Variants in ITGAD observed in about 807,000 individuals in gnomAD.
The protein encoded by ITGAD is integrin subunit alpha D, also known as integrin alpha-D.
ITGAD carries 105 observed loss-of-function variants against 139.0 expected under a neutral mutation model. The ratio of observed to expected loss-of-function variants is 0.76; its 90% confidence interval spans 0.65 to 0.89. The LOEUF is 0.89. Among genes scored for constraint, ITGAD ranks in the 40% least tolerant of loss-of-function variants. The pLI is 0.00. For synonymous variants in ITGAD, 569 were observed against 598.3 expected, an observed-to-expected ratio of 0.95 and a Z score of 0.71; for missense variants, 1,384 against 1,487.3, an observed-to-expected ratio of 0.93 and a Z score of 1.14.
intron 29 of ITGAD, 73 bp downstream of exon 29, chr16:31,424,650 T>G: frequency 1.0e-6 from 1 of 991,212 alleles, no homozygotes; most frequent in Non-Finnish European, 1.5e-6. Context: ...CAGGCTGGAG[T>G]GCAATGGCAT....
In ITGAD at chr16:31,426,326, T is replaced by C. The variant is rs2082114892; in HGVS notation, c.*198T>C. ...TCTTTTTCAGCAATGACCCACTTTT[T>C]ACAGAAGCAGGCATGGTGCCAGCAT... On this transcript the variant is annotated 3_prime_UTR_variant, in exon 30 of 30. Coordinates refer to ENST00000389202, the MANE Select transcript of ITGAD (RefSeq NM_005353.3). 3.8e-6 allele frequency: 2 copies of C among 525,932 alleles called. No individual in the cohort carries two copies. Among genetic ancestry groups the C allele is most frequent in the Non-Finnish European group, 6.8e-6 (2 of 292,026 alleles). 32.6% of individuals were successfully genotyped at this position (525,932 alleles called of 1,614,324 possible). A position where few individuals can be genotyped will look rare whatever the true frequency, so the allele number is the denominator to read the frequency against.
At chr16:31,413,759 G>A (rs1367580789) in intron 16 of ITGAD, among the ~76,000 whole-genome samples, 1 of 152,120 alleles carries the variant, frequency 6.6e-6, no homozygotes, top group Non-Finnish European at 1.5e-5. Context: ...AAATGCACCA[G>A]CTTTGCTCTC....
At chr16:31,414,636 A>G (rs752916550) in intron 17 of ITGAD, 31 bp downstream of exon 17, 1 of 1,612,792 alleles carries the variant, frequency 6.2e-7, no homozygotes, top group Non-Finnish European at 8.5e-7. Context: ...GAAGGGGGAG[A>G]GAGGAGGAGC....
intron 7 of ITGAD, among the ~76,000 whole-genome samples, chr16:31,407,311 G>T (rs945615457): frequency 6.6e-6 from 1 of 152,152 alleles, no homozygotes; most frequent in South Asian, 2.1e-4. Context: ...TGGAGATCAC[G>T]CCACTGCACT....
intron 4 of ITGAD, 29 bp downstream of exon 4, chr16:31,397,695 G>C (rs1567322513): frequency 6.6e-7 from 1 of 1,506,056 alleles, no homozygotes. Context: ...CCACGGGGGG[G>C]TGGGGTGGGG....
Position 31,403,110 on chromosome 16 carries a change from G to A in ITGAD, c.559-390G>A, listed in dbSNP as rs28609583. On this transcript the variant is annotated intron_variant, in intron 6 of 29. Coordinates refer to ENST00000389202, the MANE Select transcript of ITGAD (RefSeq NM_005353.3). The surrounding 1 kb of genome is among the most constrained non-coding windows in gnomAD (Gnocchi z 4.4). Reference sequence around the variant, plus strand: ...TTCTCTGGGTTTCAGTATATTATTTGTAGGGCTTCAAAACACATGGGAAAT... The same window carrying A: ...TTCTCTGGGTTTCAGTATATTATTTATAGGGCTTCAAAACACATGGGAAAT... 2,777 of 155,512 alleles carry A rather than the reference G, an allele frequency of 0.018. 80 individuals carry two copies. Among genetic ancestry groups the A allele is most frequent in the African/African-American group, 0.063 (2,628 of 41,536 alleles). 9.6% of individuals were successfully genotyped at this position (155,512 alleles called of 1,614,324 possible). A position where few individuals can be genotyped will look rare whatever the true frequency, so the allele number is the denominator to read the frequency against.
Position 31,412,566 on chromosome 16 carries a change from C to A in ITGAD, c.1708-272C>A, listed in dbSNP as rs981299822. 2.6e-5 allele frequency among the ~76,000 whole-genome samples: 4 copies of A among 152,110 alleles called. 1 individual carries two copies. Among genetic ancestry groups the A allele is most frequent in the Non-Finnish European group, 5.9e-5 (4 of 68,022 alleles). On this transcript the variant is annotated intron_variant, in intron 14 of 29. Coordinates refer to ENST00000389202, the MANE Select transcript of ITGAD (RefSeq NM_005353.3). ...CTTGCCCACGGCCTCGTGGCTCATACGTGGAGGAGTCAGAATTGGAACTAG... is the reference window on the plus strand; with the variant it reads ...CTTGCCCACGGCCTCGTGGCTCATAAGTGGAGGAGTCAGAATTGGAACTAG...
Position 31,412,836 on chromosome 16 carries a change from A to G in ITGAD, c.1708-2A>G, listed in dbSNP as rs1222397036. 2 of 1,613,848 alleles carry G rather than the reference A, an allele frequency of 1.2e-6. No homozygotes were observed. Among genetic ancestry groups the G allele is most frequent in the South Asian group, 1.1e-5 (1 of 91,072 alleles). ...TGATTCACCCTTTTCTCTTCTGGCCAGCGGATTGCCAGCTCCCAGCTCTCC... is the reference window on the plus strand; with the variant it reads ...TGATTCACCCTTTTCTCTTCTGGCCGGCGGATTGCCAGCTCCCAGCTCTCC... On this transcript the variant is annotated splice_acceptor_variant, in intron 14 of 29. Coordinates refer to ENST00000389202, the MANE Select transcript of ITGAD (RefSeq NM_005353.3). LOFTEE classifies it high-confidence loss of function.
rs1290654218 is a variant in ITGAD, at chr16:31,411,069, C to T, written c.1357-7C>T. The T allele has an allele frequency of 4.3e-6, 7 of 1,611,978 alleles. No homozygotes were observed. Among genetic ancestry groups the T allele is most frequent in the Non-Finnish European group, 5.9e-6 (7 of 1,179,826 alleles). ...ACAGGCAGCATGACCCAGGCTCTGC[C>T]CTCCAGATCGGCTCCTACTTCGGGG... On this transcript the variant is annotated splice_region_variant and splice_polypyrimidine_tract_variant and intron_variant, in intron 12 of 29. Transcript: ENST00000389202.
At chr16:31,405,627 ATTTTTTGTTTTCCT>A (rs1309165160) in intron 7 of ITGAD, among the ~76,000 whole-genome samples, 1 of 135,618 alleles carries the variant, frequency 7.4e-6, no homozygotes, top group Non-Finnish European at 1.6e-5. Flanking sequence ...TAGGTCCACA[ATTTTTTGTTTTCCT>A]TTTTTTTTTT....
In ITGAD at chr16:31,417,716, G is replaced by A. The variant is rs557745830; in HGVS notation, c.2500-359G>A. Among the ~76,000 whole-genome samples, 8 of 152,192 alleles carry A rather than the reference G, an allele frequency of 5.3e-5. No homozygotes were observed. The East Asian group carries it at 7.7e-4, about 15-fold the overall frequency. ...TCCCAGCACTTTGGGAGGCCAAGGC[G>A]GGTGGATCACCTGAGGTCAGGAGTT... is the stretch of plus-strand genomic sequence containing the variant. On this transcript the variant is annotated intron_variant, in intron 20 of 29. Coordinates refer to ENST00000389202, the MANE Select transcript of ITGAD (RefSeq NM_005353.3).
At position 31,410,981 on chromosome 16, in the gene ITGAD, G is replaced by T. The variant is rs1249082083; in HGVS notation, c.1357-95G>T. 6.3e-6 allele frequency: 10 copies of T among 1,598,656 alleles called. No individual in the cohort carries two copies. In the Admixed American group the frequency reaches 1.5e-4, roughly 25 times the overall value. On this transcript the variant is annotated intron_variant, in intron 12 of 29. Transcript: ENST00000389202. ...AGGATGGAGGGGCTTTGGGGGCCTT[G>T]GGAGAGGTCCTGGTACCTGGGGAGA...
At chr16:31,425,689 CT>C (rs113613818) in intron 29 of ITGAD, among the ~76,000 whole-genome samples, 312 of 144,196 alleles carry the variant, frequency 2.2e-3, no homozygotes, top group Middle Eastern at 7.0e-3. Flanking sequence ...TCTTCTTCTT[CT>C]TTTTTTTTTT....
Position 31,408,421 on chromosome 16 carries a change from A to G in ITGAD, c.1010-4A>G. The G allele has an allele frequency of 6.2e-7, 1 of 1,613,600 alleles. No homozygotes were observed. Among genetic ancestry groups the G allele is most frequent in the Non-Finnish European group, 8.5e-7 (1 of 1,179,736 alleles). On this transcript the variant is annotated splice_region_variant and splice_polypyrimidine_tract_variant and intron_variant, in intron 9 of 29. Transcript: ENST00000389202. ...AGGAACTTCACTGACCTGTTTCCCCACAGGAACCCAGTCCAGGGCAAGCAG... is the reference window on the plus strand; with the variant it reads ...AGGAACTTCACTGACCTGTTTCCCCGCAGGAACCCAGTCCAGGGCAAGCAG...
At chr16:31,400,903 A>C (rs1411829992) in intron 5 of ITGAD, among the ~76,000 whole-genome samples, 1 of 152,066 alleles carries the variant, frequency 6.6e-6, no homozygotes. Context: ...ACCACTCCCA[A>C]CTGGGAATAT....
Position 31,426,064 on chromosome 16 carries a change from A to C in ITGAD, c.3422A>C (p.Glu1141Ala). 1 of 1,614,110 alleles carries C rather than the reference A, an allele frequency of 6.2e-7. No individual in the cohort carries two copies. The highest frequency in any genetic ancestry group is 8.5e-7 in the Non-Finnish European group (1 of 1,179,954). Reference sequence around the variant, plus strand: ...AAGGAAATGCTGGAGGACAAGCCTGAAGACACTGCCACATTCAGTGGGGAC... The same window carrying C: ...AAGGAAATGCTGGAGGACAAGCCTGCAGACACTGCCACATTCAGTGGGGAC... ...HYKEMLEDKPEDTATFSGDDF... is the reference protein window; with the variant it reads ...HYKEMLEDKPADTATFSGDDF... Residue 1141 changes from glutamate to alanine, a missense_variant, in exon 30 of 30, where the codon GAA becomes GCA. Physicochemically the swap from Glu to Ala is moderately radical, Grantham distance 107 (BLOSUM62 -1). Transcript: ENST00000389202.
At position 31,414,926 on chromosome 16, in the gene ITGAD, ATCCCC is replaced by A. The variant is rs2065911782; in HGVS notation, c.2224_2228del (p.Ser742ProfsTer32). 1 of 1,613,926 alleles carries A rather than the reference ATCCCC, an allele frequency of 6.2e-7. No homozygotes were observed. The highest frequency in any genetic ancestry group is 1.1e-5 in the South Asian group (1 of 91,078). The stretch of plus-strand genomic sequence containing the variant: ...CAACTTCTCACTGGTGAGAGAGCCC[ATCCCC>A]TCCCCCCAGAACCTGCGTCCTGTGC... On this transcript the variant is annotated frameshift_variant, in exon 18 of 30. Transcript: ENST00000389202. LOFTEE classifies it high-confidence loss of function.
At chr16:31,415,094 G>A (rs1286099471) in intron 18 of ITGAD, 103 bp downstream of exon 18, 1 of 1,346,062 alleles carries the variant, frequency 7.4e-7, no homozygotes, top group African/African-American at 1.4e-5. Flanking sequence ...ATCCAGTCCA[G>A]AAACCTGACT....
rs765343120 is a variant in ITGAD, at chr16:31,424,576, A to G, written c.3371A>G (p.Lys1124Arg). 1.3e-6 allele frequency: 2 copies of G among 1,571,236 alleles called. No homozygotes were observed. The highest frequency in any genetic ancestry group is 4.0e-5 in the Admixed American group (2 of 50,434). ...LLALITATLYKLGFFKRHYKE... is the reference protein window; with the variant it reads ...LLALITATLYRLGFFKRHYKE... ...GCGCTCATCACAGCCACACTGTACA[A>G]GGCAAGTGTTTTATCCAACTCTTTT... is the stretch of plus-strand genomic sequence containing the variant. The change falls in exon 29 of 30, where the codon AAG becomes AGG. Residue 1124 changes from lysine to arginine, a missense_variant and splice_region_variant. Physicochemically the swap from Lys to Arg is conservative, Grantham distance 26 (BLOSUM62 2). Transcript: ENST00000389202.
Sources: allele counts gnomAD v4.1 joint callset (sites outside exome capture counted in the v4.1 genomes callset), GRCh38; gene constraint gnomAD v4.1.1; non-coding constraint Gnocchi (gnomAD v3.1); transcripts MANE v1.5; gene names NCBI Gene and HGNC (gene_info 2026-07-23, HGNC 2026-07-21).